The following SALL4 variants were observed in gnomAD, a reference collection of about 807,000 sequenced individuals.
The protein encoded by SALL4 is sal-like protein 4.
Under a neutral mutation model 60.8 loss-of-function variants are expected in SALL4, and 4 were observed. That is an observed-to-expected ratio of 0.07 (90% CI 0.03 to 0.15). The LOEUF is 0.15. Ranked by LOEUF, SALL4 falls within the 10% of genes least tolerant of loss-of-function variation. The pLI, the probability that SALL4 is intolerant of heterozygous loss-of-function variation, is 1.00. For synonymous variants in SALL4, 580 were observed against 574.9 expected (o/e 1.01, Z -0.13); for missense variants, 1,178 against 1,394.7 (o/e 0.84, Z 2.48).
Position 51,792,182 on chromosome 20 carries a change from G to A in SALL4, c.301C>T (p.Leu101Phe). 6.2e-7 allele frequency: 1 copy of A among 1,614,150 alleles called. No individual in the cohort carries two copies. The highest frequency in any genetic ancestry group is 8.5e-7 in the Non-Finnish European group (1 of 1,180,028). ...GGCCCCTCGCTGTCATTCATGATGA[G>A]GACAGGTGGATTTTTAGTGCAATTT... ...KKNCTKNPPV[L>F]IMNDSEGPVP... Residue 101 changes from leucine to phenylalanine, a missense_variant, in exon 2 of 4, where the codon CTC (leucine) becomes TTC (phenylalanine). Leu to Phe is a conservative substitution (Grantham distance 22). Transcript: ENST00000217086.
At position 51,791,340 on chromosome 20, in the gene SALL4, C is replaced by T. The variant is rs1202575734; in HGVS notation, c.1143G>A (p.Lys381=). The part of the protein sequence containing the change: ...VKPKDEAALY[K]HKCKYCSKVF... ...CCTTGCTACAGTACTTACACTTGTGCTTGTAGAGGGCCGCCTCGTCTTTGG... is the reference window on the plus strand; with the variant it reads ...CCTTGCTACAGTACTTACACTTGTGTTTGTAGAGGGCCGCCTCGTCTTTGG... The change falls in exon 2 of 4, where the codon AAG becomes AAA. Residue 381 remains lysine, a synonymous_variant. Transcript: ENST00000217086. The surrounding 1 kb of genome is among the most constrained non-coding windows in gnomAD (Gnocchi z 4.6). 1 of 1,614,166 alleles carries T rather than the reference C, an allele frequency of 6.2e-7. No homozygotes were observed. Among genetic ancestry groups the T allele is most frequent in the Non-Finnish European group, 8.5e-7 (1 of 1,180,040 alleles).
At position 51,782,574 on chromosome 20, in the gene SALL4, A is replaced by AAG. The variant is rs1555848603; in HGVS notation, c.*1690_*1691insCT. 2.4e-5 allele frequency: 2 copies of AAG among 83,678 alleles called. No homozygotes were observed. Among genetic ancestry groups the AAG allele is most frequent in the African/African-American group, 1.4e-4 (2 of 13,892 alleles). The allele number at this position is 83,678 out of a possible 1,614,324, so 5.2% of individuals were successfully genotyped here. A position where few individuals can be genotyped will look rare whatever the true frequency, so the allele number is the denominator to read the frequency against. On this transcript the variant is annotated 3_prime_UTR_variant, in exon 4 of 4. Transcript: ENST00000217086. The stretch of plus-strand genomic sequence containing the variant: ...GCAAAAAAAAAAAAAAAAAAAAAAA[A>AAG]GGGGGGCGGAATCCTAAAGTCAGGT...
At chr20:51,795,343 G>A (rs1288251850) in intron 1 of SALL4, among the ~76,000 whole-genome samples, 1 of 152,132 alleles carries the variant, frequency 6.6e-6, no homozygotes, top group Admixed American at 6.5e-5. Context: ...GGAGGCAGAG[G>A]TTGCAGTGAG....
intron 1 of SALL4, among the ~76,000 whole-genome samples, chr20:51,793,856 C>G (rs1449580815): frequency 6.6e-6 from 1 of 152,158 alleles, no homozygotes; most frequent in Non-Finnish European, 1.5e-5. Context: ...TGAAGTCTTG[C>G]AAGGTATGTG....
rs750652460 is a variant in SALL4 at position 51,791,460 on chromosome 20, C to T, written c.1023G>A (p.Ser341=). Residue 341 remains serine, a synonymous_variant, in exon 2 of 4, where the codon TCG becomes TCA. Transcript: ENST00000217086. This position sits in a 1 kb window ranked among gnomAD's most constrained non-coding sequence, Gnocchi z 4.6. ...TGGAGAAAGGGCTCTGGAAGAGCAC[C>T]GAGCCCGGGGCCTGAGGAAGCAAAG... ...PSALLPQAPG[S]VLFQSPFSTV... 1.8e-5 allele frequency: 29 copies of T among 1,614,012 alleles called. No homozygotes were observed. Among genetic ancestry groups the T allele is most frequent in the African/African-American group, 5.3e-5 (4 of 74,916 alleles).
chr20:51,790,165 T>C lies in SALL4; in HGVS notation c.2318A>G (p.Gln773Arg). ...TTCCAGGATATCTGGGCTTCGGCTC[T>C]GATACTCCTGGTCTCCCATCAGCGA... is the stretch of plus-strand genomic sequence containing the variant. ...SSSLMGDQEY[Q>R]SRSPDILETT... is the part of the protein sequence containing the mutation. The change falls in exon 2 of 4, where the codon CAG (glutamine) becomes CGG (arginine). Residue 773 changes from glutamine (Q) to arginine (R), a missense_variant. By Grantham distance (43) the Gln-to-Arg change is conservative (BLOSUM62 1). Transcript: ENST00000217086. The surrounding 1 kb of genome is among the most constrained non-coding windows in gnomAD (Gnocchi z 5.5). The C allele has an allele frequency of 3.1e-6, 5 of 1,614,206 alleles. No homozygotes were observed. The highest frequency in any genetic ancestry group is 4.2e-6 in the Non-Finnish European group (5 of 1,180,036).
rs887310257 is a variant in SALL4 at position 51,789,090 on chromosome 20, T to C, written c.2513A>G (p.Lys838Arg). Residue 838 changes from lysine to arginine, a missense_variant, in exon 3 of 4, where the codon AAG becomes AGG. Lys to Arg is a conservative substitution (Grantham distance 26). This residue lies in a region of SALL4 where 853 missense variants were observed against 1,036.8 expected (regional missense o/e 0.82). Coordinates refer to ENST00000217086, the MANE Select transcript of SALL4 (RefSeq NM_020436.5). ...TFIRAPPTYV[K>R]VEVPGTFVGP... ...CACAAATGTGCCAGGAACTTCAACC[T>C]TGACATAGGTCGGCGGGGCTCGGAT... is the stretch of plus-strand genomic sequence containing the variant. 1.9e-6 allele frequency: 3 copies of C among 1,614,144 alleles called. No homozygotes were observed. The highest frequency in any genetic ancestry group is 2.5e-6 in the Non-Finnish European group (3 of 1,180,026).
At chr20:51,802,139 C>T (rs1402770346) in intron 1 of SALL4, 140 bp downstream of exon 1, 4 of 995,652 alleles carry the variant, frequency 4.0e-6, no homozygotes, top group Non-Finnish European at 2.9e-6. Flanking sequence ...GGAGACCTCT[C>T]CTCCCGGGCA....
At chr20:51,798,121 T>G (rs1279511032) in intron 1 of SALL4, among the ~76,000 whole-genome samples, 1 of 152,194 alleles carries the variant, frequency 6.6e-6, no homozygotes, top group Non-Finnish European at 1.5e-5. Context: ...AGCAGCTTAA[T>G]TTTAGCAGTC....
chr20:51,796,068 G>A (rs985869799), intron 1 of SALL4, among the ~76,000 whole-genome samples: 16 of 151,818 alleles, frequency 1.1e-4, no homozygotes, highest in Admixed American at 3.3e-4. Flanking sequence ...GATGGTGTGC[G>A]CATCGCTGGA....
chr20:51,796,492 C>T (rs564470637), intron 1 of SALL4, among the ~76,000 whole-genome samples: 2 of 152,326 alleles, frequency 1.3e-5, no homozygotes, highest in East Asian at 1.9e-4. Flanking sequence ...CATTACTGTC[C>T]GTGTCTTTTA....
Position 51,790,394 on chromosome 20 carries a change from T to G in SALL4, c.2089A>C (p.Ser697Arg). The change falls in exon 2 of 4, where the codon AGC (serine) becomes CGC (arginine). Residue 697 changes from serine to arginine, a missense_variant. By Grantham distance (110) the Ser-to-Arg change is moderately radical. Transcript: ENST00000217086. This position sits in a 1 kb window ranked among gnomAD's most constrained non-coding sequence, Gnocchi z 5.5. ...GAGCTGCTGGGAGCCTCCTGGGAGC[T>G]GACTTCCTCTACATCGATGCTTTCG... ...VIESIDVEEVSSQEAPSSSSK... is the reference protein window; with the variant it reads ...VIESIDVEEVRSQEAPSSSSK... 6.2e-7 allele frequency: 1 copy of G among 1,614,098 alleles called. No individual in the cohort carries two copies. The highest frequency in any genetic ancestry group is 1.1e-5 in the South Asian group (1 of 91,080).
chr20:51,786,182 G>A (rs1238966234), intron 3 of SALL4, among the ~76,000 whole-genome samples: 1 of 149,152 alleles, frequency 6.7e-6, no homozygotes, highest in East Asian at 2.0e-4. Flanking sequence ...CACCTCCCGG[G>A]TTCACACCAT....
Position 51,797,644 on chromosome 20 carries a change from G to GA in SALL4, c.130+4634dup, listed in dbSNP as rs546824847. 183 of 142,766 alleles carry GA rather than the reference G, an allele frequency of 1.3e-3. 1 individual carries two copies. In the South Asian group the frequency reaches 0.025, roughly 19 times the overall value. 8.8% of individuals were successfully genotyped at this position (142,766 alleles called of 1,614,324 possible). The stretch of plus-strand genomic sequence containing the variant: ...GGGCATGCTTAAGTTAACCAAAAAG[G>GA]AAAAAAAAAAAGCAAAGTTCAGAGG... On this transcript the variant is annotated intron_variant, in intron 1 of 3. Coordinates refer to ENST00000217086, the MANE Select transcript of SALL4 (RefSeq NM_020436.5).
In SALL4 at chr20:51,791,385, G is replaced by C. The variant is rs1279871550; in HGVS notation, c.1098C>G (p.Ile366Met). 3.1e-6 allele frequency: 5 copies of C among 1,614,220 alleles called. No individual in the cohort carries two copies. Among genetic ancestry groups the C allele is most frequent in the Non-Finnish European group, 4.2e-6 (5 of 1,180,044 alleles). The change falls in exon 2 of 4, where the codon ATC (isoleucine) becomes ATG (methionine). Residue 366 changes from isoleucine to methionine, a missense_variant. Coordinates refer to ENST00000217086, the MANE Select transcript of SALL4 (RefSeq NM_020436.5). The surrounding 1 kb of genome is among the most constrained non-coding windows in gnomAD (Gnocchi z 4.6). ...SKKGKGKPPN[I>M]SAVDVKPKDE... ...CTTTGGGTTTGACATCCACCGCGGA[G>C]ATGTTCGGTGGCTTCCCCTTCCCTT...
At position 51,791,577 on chromosome 20, in the gene SALL4, G is replaced by A. The variant is rs1405692346; in HGVS notation, c.906C>T (p.Ala302=). 6 of 1,613,688 alleles carry A rather than the reference G, an allele frequency of 3.7e-6. No homozygotes were observed. The highest frequency in any genetic ancestry group is 1.7e-4 in the Middle Eastern group (1 of 6,056). Residue 302 remains alanine (A), a synonymous_variant, in exon 2 of 4, where the codon GCC becomes GCT. Transcript: ENST00000217086. The surrounding 1 kb of genome is among the most constrained non-coding windows in gnomAD (Gnocchi z 4.6). The stretch of plus-strand genomic sequence containing the variant: ...CCAGCCCTGGGGACAGGGAGCTGGT[G>A]GCAGAAGGGATGTTGGCGTGAGGTA... ...AKLPHANIPS[A]TSSLSPGLAP...
intron 1 of SALL4, among the ~76,000 whole-genome samples, chr20:51,796,560 C>T (rs1413353680): frequency 6.6e-6 from 1 of 152,180 alleles, no homozygotes; most frequent in Non-Finnish European, 1.5e-5. Flanking sequence ...AAAGATTAGA[C>T]ACCCTTGCCT....
chr20:51,788,656 C>T lies in SALL4; in HGVS notation c.2742+205G>A, dbSNP rs577227256. ...CAGTGAGCTTGAGCTTGAGATGGCGCCACTGCACTCCAGTCTGGGCGACAG... is the reference window on the plus strand; with the variant it reads ...CAGTGAGCTTGAGCTTGAGATGGCGTCACTGCACTCCAGTCTGGGCGACAG... On this transcript the variant is annotated intron_variant, in intron 3 of 3. Coordinates refer to ENST00000217086, the MANE Select transcript of SALL4 (RefSeq NM_020436.5). This position sits in a 1 kb window ranked among gnomAD's most constrained non-coding sequence, Gnocchi z 4.1. 1.3e-5 allele frequency among the ~76,000 whole-genome samples: 2 copies of T among 152,150 alleles called. No homozygotes were observed. The highest frequency in any genetic ancestry group is 3.9e-4 in the East Asian group (2 of 5,158).
At chr20:51,784,857 C>G (rs2077981108) in intron 3 of SALL4, among the ~76,000 whole-genome samples, 173 bp from the exon 4 acceptor site, 1 of 152,184 alleles carries the variant, frequency 6.6e-6, no homozygotes, top group Admixed American at 6.5e-5. Context: ...AGAAAATATT[C>G]TTAGTCTAAA....
Sources: allele counts gnomAD v4.1 joint callset (sites outside exome capture counted in the v4.1 genomes callset), GRCh38; gene constraint gnomAD v4.1.1; regional missense constraint gnomAD v4.1.1; non-coding constraint Gnocchi (gnomAD v3.1); transcripts MANE v1.5; gene names NCBI Gene and HGNC (gene_info 2026-07-23, HGNC 2026-07-21).